LHFPL2: variants seen among roughly 807,000 people sequenced by gnomAD.
The protein encoded by LHFPL2 is LHFPL tetraspan subfamily member 2 protein.
In LHFPL2, 7 loss-of-function variants were observed where a neutral mutation model predicts 17.5. The observed-to-expected ratio is 0.40, with a 90% CI of 0.23 to 0.75. LHFPL2 has a LOEUF of 0.75. LHFPL2 is among the 30% of genes least tolerant of loss of function. LHFPL2 has a pLI of 0.37. For synonymous variants in LHFPL2, 134 were observed against 116.2 expected (o/e 1.15, Z -0.99); for missense variants, 241 against 294.8 (o/e 0.82, Z 1.34).
At chr5:78,525,110 G>A (rs1755578273) in intron 3 of LHFPL2, among the ~76,000 whole-genome samples, 1 of 152,164 alleles carries the variant, frequency 6.6e-6, no homozygotes, top group Non-Finnish European at 1.5e-5. Context: ...CCAGTAGCGC[G>A]CTCTCAGTCG....
At chr5:78,556,721 G>GA (rs924800515) in intron 3 of LHFPL2, among the ~76,000 whole-genome samples, 1 of 151,960 alleles carries the variant, frequency 6.6e-6, no homozygotes, top group Admixed American at 6.6e-5. Context: ...ATGACATGAG[G>GA]AAATATTTAT....
At chr5:78,545,173 CT>C (rs141737670) in intron 3 of LHFPL2, among the ~76,000 whole-genome samples, 2,394 of 152,296 alleles carry the variant, frequency 0.016, 66 homozygotes, top group African/African-American at 0.054. Context: ...GCAGAGAGCG[CT>C]TCTTCACGTC....
At chr5:78,612,564 G>C (rs1263466191) in intron 2 of LHFPL2, among the ~76,000 whole-genome samples, 1 of 152,168 alleles carries the variant, frequency 6.6e-6, no homozygotes, top group Non-Finnish European at 1.5e-5. Context: ...TGATCCAAAA[G>C]CAATTATTAA....
In LHFPL2 at chr5:78,490,746, C is replaced by CAA. The variant is rs370809060; in HGVS notation, c.431-1595_431-1594dup. On this transcript the variant is annotated intron_variant, in intron 4 of 4. Coordinates refer to ENST00000380345, the MANE Select transcript of LHFPL2 (RefSeq NM_005779.3). The stretch of plus-strand genomic sequence containing the variant: ...CTGGCAAAAGAGTGAGACTCCCTCT[C>CAA]AAAAAAAAAAAAAAAAAAGCAAGAT... 7.8e-4 allele frequency among the ~76,000 whole-genome samples: 72 copies of CAA among 92,120 alleles called. 2 individuals are homozygous for CAA. The highest frequency in any genetic ancestry group is 3.1e-3 in the African/African-American group (63 of 20,598). The allele number at this position is 92,120 out of a possible 152,430, so 60.4% of individuals were successfully genotyped here.
chr5:78,630,577 C>T (rs1268491094), intron 2 of LHFPL2, among the ~76,000 whole-genome samples: 1 of 151,718 alleles, frequency 6.6e-6, no homozygotes, highest in Non-Finnish European at 1.5e-5. Context: ...TCCTTTACTG[C>T]CTTGTCTTTC....
intron 4 of LHFPL2, among the ~76,000 whole-genome samples, chr5:78,495,259 G>A (rs561556799): frequency 5.3e-5 from 8 of 152,242 alleles, no homozygotes; most frequent in East Asian, 1.9e-4. Context: ...AGGCTCCATG[G>A]TTATTTCACA....
At chr5:78,586,730 A>G (rs1029313950) in intron 2 of LHFPL2, among the ~76,000 whole-genome samples, 4 of 152,218 alleles carry the variant, frequency 2.6e-5, no homozygotes, top group African/African-American at 9.6e-5. Context: ...TAGGGGGGAA[A>G]AAAAAGCCAA....
chr5:78,565,716 A>G (rs185789242), intron 2 of LHFPL2, among the ~76,000 whole-genome samples: 36 of 152,328 alleles, frequency 2.4e-4, no homozygotes, highest in African/African-American at 8.4e-4. Flanking sequence ...CTGATGTTAA[A>G]AGAAGTAGAG....
At chr5:78,500,744 C>A (rs1754748657) in intron 4 of LHFPL2, among the ~76,000 whole-genome samples, 1 of 152,058 alleles carries the variant, frequency 6.6e-6, no homozygotes, top group Non-Finnish European at 1.5e-5. Context: ...TTAATCTATA[C>A]CTTTGCCCAT....
At chr5:78,630,643 A>G (rs1271078067) in intron 2 of LHFPL2, among the ~76,000 whole-genome samples, 2 of 151,996 alleles carry the variant, frequency 1.3e-5, no homozygotes, top group African/African-American at 4.8e-5. Context: ...AGCAGAAGAA[A>G]CCACGGGGAA....
chr5:78,510,859 T>C (rs1755097858), intron 3 of LHFPL2, among the ~76,000 whole-genome samples: 1 of 152,252 alleles, frequency 6.6e-6, no homozygotes, highest in Non-Finnish European at 1.5e-5. Context: ...TGGTACTAGG[T>C]GAGCTAAGTT....
chr5:78,647,702 A>G (rs908904179), intron 1 of LHFPL2, among the ~76,000 whole-genome samples: 4 of 152,142 alleles, frequency 2.6e-5, no homozygotes, highest in African/African-American at 9.7e-5. Context: ...CTCCCATTGA[A>G]ACAAGCACAT....
At chr5:78,627,719 C>T (rs74588717) in intron 2 of LHFPL2, among the ~76,000 whole-genome samples, 2,755 of 152,280 alleles carry the variant, frequency 0.018, 90 homozygotes, top group African/African-American at 0.063. Context: ...TAGCTACTTC[C>T]ACTCTGAACA....
Position 78,574,199 on chromosome 5 carries a change from C to T in LHFPL2, c.-244-9328G>A, listed in dbSNP as rs532754994. ...ACTGAAGAGGCCCACTAACAGTGGG[C>T]GTGAAGATACTGGTCCGTGGGGAGT... is the stretch of plus-strand genomic sequence containing the variant. On this transcript the variant is annotated intron_variant, in intron 2 of 4. Coordinates refer to ENST00000380345, the MANE Select transcript of LHFPL2 (RefSeq NM_005779.3). Among the ~76,000 whole-genome samples, 458 of 152,300 alleles carry T rather than the reference C, an allele frequency of 3.0e-3. 3 individuals carry two copies. The highest frequency in any genetic ancestry group is 0.01 in the African/African-American group (435 of 41,570).
At chr5:78,520,433 C>T (rs1303420571) in intron 3 of LHFPL2, among the ~76,000 whole-genome samples, 1 of 152,232 alleles carries the variant, frequency 6.6e-6, no homozygotes, top group African/African-American at 2.4e-5. Flanking sequence ...ACCACTGTCA[C>T]TTTCAGCTCC....
At chr5:78,636,100 G>A (rs1326809680) in intron 1 of LHFPL2, among the ~76,000 whole-genome samples, 4 of 152,134 alleles carry the variant, frequency 2.6e-5, no homozygotes, top group African/African-American at 9.7e-5. Context: ...TTCTTGAGCT[G>A]CCTGGACACC....
At chr5:78,633,175 C>T (rs183169839) in intron 1 of LHFPL2, among the ~76,000 whole-genome samples, 7 of 152,310 alleles carry the variant, frequency 4.6e-5, no homozygotes, top group Non-Finnish European at 1.0e-4. Flanking sequence ...CCCATCTTAG[C>T]TGCCCCAAAT....
chr5:78,569,317 A>G (rs1031740133), intron 2 of LHFPL2, among the ~76,000 whole-genome samples: 6 of 152,230 alleles, frequency 3.9e-5, no homozygotes, highest in African/African-American at 1.4e-4. Flanking sequence ...AACTAAAGGA[A>G]TAATTGTCCA....
chr5:78,588,243 T>A (rs982599694), intron 2 of LHFPL2, among the ~76,000 whole-genome samples: 1 of 152,220 alleles, frequency 6.6e-6, no homozygotes, highest in Admixed American at 6.5e-5. Context: ...CAATCATAGC[T>A]CACTGCTGCC....
Sources: allele counts gnomAD v4.1 joint callset (sites outside exome capture counted in the v4.1 genomes callset), GRCh38; gene constraint gnomAD v4.1.1; transcripts MANE v1.5; gene names NCBI Gene and HGNC (gene_info 2026-07-23, HGNC 2026-07-21).